The following WDR19 variants were observed in gnomAD, a reference collection of about 807,000 sequenced individuals.
WDR19 encodes WD repeat domain 19, also known as WD repeat-containing protein 19.
A neutral mutation model predicts 180.0 loss-of-function variants in WDR19; 121 were observed. The observed-to-expected ratio is 0.67, with a 90% CI of 0.58 to 0.78. WDR19 has a LOEUF of 0.78. WDR19 is among the 30% of genes least tolerant of loss of function. The pLI, the probability that WDR19 is intolerant of heterozygous loss-of-function variation, is 0.00. For synonymous variants in WDR19, 497 were observed against 540.7 expected (o/e 0.92, Z 1.12); for missense variants, 1,450 against 1,640.7 (o/e 0.88, Z 2.01).
At chr4:39,236,689 G>A (rs1159537925) in intron 20 of WDR19, among the ~76,000 whole-genome samples, 3 of 152,104 alleles carry the variant, frequency 2.0e-5, no homozygotes, top group African/African-American at 7.2e-5. Flanking sequence ...AATTGCTGTT[G>A]CAATTCAAGC....
Position 39,281,234 on chromosome 4 carries a change from T to TAGAGAGAGAG in WDR19, c.*13+2572_*13+2573insGAGAGAGAGA, listed in dbSNP as rs1189043858. Among the ~76,000 whole-genome samples, 736 of 108,242 alleles carry TAGAGAGAGAG rather than the reference T, an allele frequency of 6.8e-3. 3 individuals are homozygous for TAGAGAGAGAG. Among genetic ancestry groups the TAGAGAGAGAG allele is most frequent in the Non-Finnish European group, 7.5e-3 (423 of 56,276 alleles). 71.0% of individuals were successfully genotyped at this position (108,242 alleles called of 152,430 possible). ...GTGTGTGTATATATATATATATATA[T>TAGAGAGAGAG]ATAGAGAGAGAGAGAGAGAGAGAGA... On this transcript the variant is annotated intron_variant, in intron 36 of 36. Transcript: ENST00000399820.
At position 39,273,009 on chromosome 4, in the gene WDR19, A is replaced by T. The variant is rs765379022; in HGVS notation, c.3513A>T (p.Lys1171Asn). The change falls in exon 32 of 37, where the codon AAA becomes AAT. Residue 1171 changes from lysine to asparagine, a missense_variant. Lys to Asn is a moderately conservative substitution (Grantham distance 94). Coordinates refer to ENST00000399820, the MANE Select transcript of WDR19 (RefSeq NM_025132.4). Reference protein sequence around the residue: ...KIHVKNGDHMKGARMLIRVAN... With the variant: ...KIHVKNGDHMNGARMLIRVAN... ...ATGTTAAAAATGGAGATCACATGAA[A>T]GGGGCTCGCATGCTCATTCGGGTGG... 2 of 1,605,390 alleles carry T rather than the reference A, an allele frequency of 1.2e-6. No individual in the cohort carries two copies. The highest frequency in any genetic ancestry group is 1.7e-6 in the Non-Finnish European group (2 of 1,176,206).
intron 28 of WDR19, among the ~76,000 whole-genome samples, chr4:39,261,528 G>A (rs950085287): frequency 3.3e-5 from 5 of 152,224 alleles, no homozygotes; most frequent in Non-Finnish European, 7.3e-5. Flanking sequence ...GGTAGTTCAA[G>A]TGTCCATTGC....
chr4:39,241,889 T>A (rs1200424682), intron 21 of WDR19, among the ~76,000 whole-genome samples: 8 of 151,380 alleles, frequency 5.3e-5, no homozygotes, highest in Non-Finnish European at 1.2e-4. Context: ...AATGATTTTA[T>A]ATATTTTCTT....
At chr4:39,211,595 T>C (rs992903236) in intron 9 of WDR19, among the ~76,000 whole-genome samples, 2 of 152,142 alleles carry the variant, frequency 1.3e-5, no homozygotes, top group African/African-American at 4.8e-5. Context: ...CACACAAAAA[T>C]TAATCACATT....
intron 4 of WDR19, 38 bp from the exon 5 acceptor site, chr4:39,194,506 T>A (rs747302703): frequency 1.5e-6 from 2 of 1,376,534 alleles, no homozygotes; most frequent in Non-Finnish European, 2.0e-6. Context: ...GAGGTTATGA[T>A]CGTGAATTGT....
chr4:39,231,852 G>T lies in WDR19; in HGVS notation c.2038G>T (p.Glu680Ter). 1.9e-6 allele frequency: 3 copies of T among 1,609,010 alleles called. No individual in the cohort carries two copies. The highest frequency in any genetic ancestry group is 2.6e-6 in the Non-Finnish European group (3 of 1,175,918). ...TCTGAATGATGAGGCTGCCTGGAAT[G>T]AGTTGGCCAGAGCTTGTCTACATCA... is the stretch of plus-strand genomic sequence containing the variant. ...RILNDEAAWNELARACLHHME... is the reference protein window; with the variant it reads ...RILNDEAAWN The change falls in exon 18 of 37, where the codon GAG (glutamate) becomes TAG (stop). Residue 680 changes from glutamate to a stop codon, truncating the protein, a stop_gained. Transcript: ENST00000399820. LOFTEE classifies it high-confidence loss of function.
rs368949539 is a variant in WDR19 at position 39,280,141 on chromosome 4, T to TTTTTTA, written c.*13+1478_*13+1479insTTTTTA. Reference sequence around the variant, plus strand: ...CTTGTTTTTTTTTTTTTTTTTTTTTTAATAGAGGCAGGGTCTCGCCACATT... The same window carrying TTTTTTA: ...CTTGTTTTTTTTTTTTTTTTTTTTTTTTTTTAAATAGAGGCAGGGTCTCGCCACATT... On this transcript the variant is annotated intron_variant, in intron 36 of 36. Transcript: ENST00000399820. 3.7e-4 allele frequency among the ~76,000 whole-genome samples: 33 copies of TTTTTTA among 88,386 alleles called. 6 individuals carry two copies. The highest frequency in any genetic ancestry group is 1.2e-3 in the South Asian group (3 of 2,506). 58.0% of individuals were successfully genotyped at this position (88,386 alleles called of 152,430 possible).
In WDR19 at chr4:39,205,496, T is replaced by C; in HGVS notation, c.717-67T>C. ...AATTCCTTAATTTTAAGGTACTTGC[T>C]AATTTACCATGTTGCCACTGATAGC... On this transcript the variant is annotated intron_variant, in intron 8 of 36. Coordinates refer to ENST00000399820, the MANE Select transcript of WDR19 (RefSeq NM_025132.4). 5 of 1,510,946 alleles carry C rather than the reference T, an allele frequency of 3.3e-6. No individual in the cohort carries two copies. In the South Asian group the frequency reaches 5.2e-5, roughly 16 times the overall value. 93.6% of individuals were successfully genotyped at this position (1,510,946 alleles called of 1,614,324 possible).
At chr4:39,265,119 A>G (rs926526892) in intron 28 of WDR19, among the ~76,000 whole-genome samples, 5 of 151,712 alleles carry the variant, frequency 3.3e-5, no homozygotes, top group Non-Finnish European at 7.4e-5. Context: ...GGATCTCGTC[A>G]TGTTGGCCAG....
chr4:39,243,842 TACTA>T (rs34586986), intron 21 of WDR19, among the ~76,000 whole-genome samples: 12,585 of 152,260 alleles, frequency 0.083, 650 homozygotes, highest in East Asian at 0.2. Context: ...ATTTAACAAT[TACTA>T]ACGAAATGAA....
intron 9 of WDR19, among the ~76,000 whole-genome samples, chr4:39,206,675 T>C (rs1462349035): frequency 6.6e-6 from 1 of 152,218 alleles, no homozygotes; most frequent in African/African-American, 2.4e-5. Context: ...TAAGCGCATA[T>C]GTATAGACTT....
At chr4:39,206,678 A>G (rs1396078838) in intron 9 of WDR19, among the ~76,000 whole-genome samples, 12 of 152,230 alleles carry the variant, frequency 7.9e-5, no homozygotes. Context: ...GCGCATATGT[A>G]TAGACTTATC....
chr4:39,236,206 C>T (rs1005728980), intron 20 of WDR19, among the ~76,000 whole-genome samples: 2 of 152,108 alleles, frequency 1.3e-5, no homozygotes, highest in African/African-American at 2.4e-5. Context: ...CAACACTATT[C>T]ATAATAGCAA....
intron 14 of WDR19, among the ~76,000 whole-genome samples, chr4:39,221,186 A>T (rs539835663): frequency 3.3e-5 from 5 of 152,276 alleles, no homozygotes; most frequent in South Asian, 2.1e-4. Context: ...AAAAATATGG[A>T]ATAGGAAATT....
chr4:39,265,110 G>T (rs1462727503), intron 28 of WDR19, among the ~76,000 whole-genome samples: 1 of 151,716 alleles, frequency 6.6e-6, no homozygotes, highest in African/African-American at 2.4e-5. Context: ...GGAGAGATAG[G>T]ATCTCGTCAT....
intron 28 of WDR19, among the ~76,000 whole-genome samples, chr4:39,263,700 G>A (rs913361001): frequency 1.9e-4 from 29 of 152,252 alleles, no homozygotes; most frequent in African/African-American, 6.0e-4. Context: ...TGAGGTGGGC[G>A]GATCACCTGA....
chr4:39,274,924 G>A lies in WDR19; in HGVS notation c.3682G>A (p.Ala1228Thr). ...MRPEYRSKID[A>T]KYKKKIEGMV... ...GCCTGAATACCGCAGCAAAATAGAT[G>A]CCAAATACAAAAAGAAGATCGAGGG... is the stretch of plus-strand genomic sequence containing the variant. Residue 1228 changes from alanine (A) to threonine (T), a missense_variant, in exon 33 of 37, where the codon GCC (alanine) becomes ACC (threonine). Ala to Thr is a moderately conservative substitution (Grantham distance 58, BLOSUM62 0). Coordinates refer to ENST00000399820, the MANE Select transcript of WDR19 (RefSeq NM_025132.4). 6.2e-7 allele frequency: 1 copy of A among 1,614,042 alleles called. No homozygotes were observed. Among genetic ancestry groups the A allele is most frequent in the Non-Finnish European group, 8.5e-7 (1 of 1,179,890 alleles).
chr4:39,252,004 C>T (rs1403583610), intron 24 of WDR19, among the ~76,000 whole-genome samples: 3 of 152,118 alleles, frequency 2.0e-5, no homozygotes, highest in East Asian at 3.8e-4. Context: ...CATCCCATTA[C>T]TAGGTATATA....
Sources: gnomAD v4.1 joint callset for allele counts (sites outside exome capture counted in the v4.1 genomes callset) on GRCh38, gnomAD v4.1.1 for gene constraint, MANE v1.5 for transcripts, NCBI Gene and HGNC (gene_info 2026-07-23, HGNC 2026-07-21) for gene names.